FMN1: variants seen among roughly 807,000 people sequenced by gnomAD.
The protein encoded by FMN1 is formin 1, also known as formin-1.
FMN1 carries 110 observed loss-of-function variants against 132.4 expected under a neutral mutation model. The observed-to-expected ratio is 0.83, with a 90% confidence interval of 0.71 to 0.97. FMN1 has a LOEUF of 0.97. FMN1 is among the 50% of genes least tolerant of loss of function. The probability of loss-of-function intolerance (pLI) is 0.00; values close to 1 mark genes in which losing one functional copy is unlikely to be tolerated. For missense variants in FMN1, 1,792 were observed against 1,705.3 expected (o/e 1.05, Z -0.90); for synonymous variants, 722 against 651.7 (o/e 1.11, Z -1.64).
At chr15:32,876,803 G>A (rs1301425102) in intron 16 of FMN1, among the ~76,000 whole-genome samples, 1 of 152,198 alleles carries the variant, frequency 6.6e-6, no homozygotes, top group Non-Finnish European at 1.5e-5. Context: ...CTATAGGACT[G>A]CATTCGACAG....
intron 6 of FMN1, among the ~76,000 whole-genome samples, chr15:33,017,707 A>G (rs1179325101): frequency 6.6e-6 from 1 of 152,260 alleles, no homozygotes; most frequent in South Asian, 2.1e-4. Context: ...ATGGGGGGAA[A>G]CTTCTAATTC....
chr15:33,047,360 T>C (rs990699909), intron 6 of FMN1, among the ~76,000 whole-genome samples: 1 of 152,244 alleles, frequency 6.6e-6, no homozygotes, highest in Non-Finnish European at 1.5e-5. Flanking sequence ...GAGGTTACTT[T>C]TGGCAAAGTT....
intron 17 of FMN1, among the ~76,000 whole-genome samples, chr15:32,823,152 GTTTTTTTTTTTT>G (rs373185751): frequency 3.1e-4 from 27 of 86,232 alleles, no homozygotes; most frequent in Admixed American, 5.6e-4. Flanking sequence ...AGTTTCTACT[GTTTTTTTTTTTT>G]TTTTTTTTTT....
intron 16 of FMN1, among the ~76,000 whole-genome samples, chr15:32,877,515 T>C (rs1488698405): frequency 3.3e-5 from 5 of 152,148 alleles, no homozygotes; most frequent in African/African-American, 4.8e-5. Context: ...ACAGTAACCC[T>C]TCATGAACAA....
Position 33,088,795 on chromosome 15 carries a change from TTACA to T in FMN1, c.2043_2043+3del. 6.5e-7 allele frequency: 1 copy of T among 1,534,350 alleles called. No individual in the cohort carries two copies. The highest frequency in any genetic ancestry group is 8.7e-7 in the Non-Finnish European group (1 of 1,146,042). On this transcript the variant is annotated splice_donor_variant and splice_donor_region_variant and coding_sequence_variant and intron_variant, in exon 5 of 21. Transcript: ENST00000616417. LOFTEE classifies it high-confidence loss of function. ...ACAGCACAATCACCAAGATTTCTAC[TTACA>T]TGGAGATCCAAGTACAATTCGCTCC...
At chr15:33,038,340 G>A (rs1372616472) in intron 6 of FMN1, among the ~76,000 whole-genome samples, 1 of 152,208 alleles carries the variant, frequency 6.6e-6, no homozygotes, top group Non-Finnish European at 1.5e-5. Flanking sequence ...GTTTAAAAAT[G>A]GTGTGACCTA....
At chr15:33,182,393 C>T (rs959219332) in intron 2 of FMN1, among the ~76,000 whole-genome samples, 9 of 152,194 alleles carry the variant, frequency 5.9e-5, no homozygotes, top group Admixed American at 5.2e-4. Context: ...TAGGGCCATC[C>T]ATTGCTCTTA....
In FMN1 at chr15:32,955,392, T is replaced by A. The variant is rs150000936; in HGVS notation, c.3138+8715A>T. On this transcript the variant is annotated intron_variant, in intron 9 of 20. Transcript: ENST00000616417. ...AAGTTCACCTTCAAAAGCATCCATG[T>A]GACCTGGACTTGCAACCGAAGTATA... 7.9e-5 allele frequency among the ~76,000 whole-genome samples: 12 copies of A among 152,334 alleles called. No individual in the cohort carries two copies. The East Asian group carries it at 2.3e-3, about 29-fold the overall frequency.
chr15:33,091,371 C>G (rs1432890426), intron 4 of FMN1, among the ~76,000 whole-genome samples: 2 of 152,132 alleles, frequency 1.3e-5, no homozygotes, highest in African/African-American at 4.8e-5. Flanking sequence ...GTGTGCAATC[C>G]AATTCACTCT....
chr15:33,157,706 C>T (rs999132206), intron 3 of FMN1, among the ~76,000 whole-genome samples: 18 of 151,944 alleles, frequency 1.2e-4, no homozygotes, highest in African/African-American at 3.1e-4. Flanking sequence ...TTAACGCTCA[C>T]GGAGGCCAGG....
intron 16 of FMN1, among the ~76,000 whole-genome samples, chr15:32,871,747 T>A (rs958605885): frequency 1.3e-5 from 2 of 152,192 alleles, no homozygotes; most frequent in African/African-American, 4.8e-5. Context: ...TGTACCACAA[T>A]GGGAGAGATG....
At chr15:33,081,257 A>G (rs892994456) in intron 5 of FMN1, among the ~76,000 whole-genome samples, 1 of 152,214 alleles carries the variant, frequency 6.6e-6, no homozygotes, top group African/African-American at 2.4e-5. Context: ...TTTGGCAGGC[A>G]GCAAACGGTT....
At chr15:33,045,897 C>T (rs1316740123) in intron 6 of FMN1, among the ~76,000 whole-genome samples, 4 of 152,140 alleles carry the variant, frequency 2.6e-5, no homozygotes, top group African/African-American at 9.7e-5. Flanking sequence ...AACGGGATCC[C>T]TTCTGCCTGC....
At chr15:33,028,898 AAAC>A (rs1396953372) in intron 6 of FMN1, among the ~76,000 whole-genome samples, 24 of 152,368 alleles carry the variant, frequency 1.6e-4, no homozygotes, top group African/African-American at 4.1e-4. Flanking sequence ...ACGCTAGTCC[AAAC>A]AACAAGTCAT....
chr15:32,876,485 T>C (rs182407705), intron 16 of FMN1, among the ~76,000 whole-genome samples: 10 of 152,330 alleles, frequency 6.6e-5, no homozygotes, highest in Non-Finnish European at 1.0e-4. Context: ...AAATGTATCA[T>C]TGCCAGTTTC....
intron 6 of FMN1, among the ~76,000 whole-genome samples, chr15:33,031,954 T>C (rs1414277216): frequency 7.0e-6 from 1 of 143,724 alleles, no homozygotes; most frequent in African/African-American, 2.6e-5. Context: ...TTTTATGTCA[T>C]GAAACCCGAT....
At position 32,936,204 on chromosome 15, in the gene FMN1, T is replaced by C. The variant is rs192002332; in HGVS notation, c.3139-9943A>G. Among the ~76,000 whole-genome samples the C allele has an allele frequency of 2.1e-3, 319 of 152,360 alleles. 4 individuals are homozygous for C. The highest frequency in any genetic ancestry group is 5.6e-4 in the Non-Finnish European group (38 of 68,034). On this transcript the variant is annotated intron_variant, in intron 9 of 20. Transcript: ENST00000616417. ...TGAATTATTTGTCAAGTAATTCATA[T>C]ACATCTGTGTCTTTAGGATTGGTTT... is the stretch of plus-strand genomic sequence containing the variant.
At chr15:32,957,205 C>T (rs995952442) in intron 9 of FMN1, among the ~76,000 whole-genome samples, 6 of 149,756 alleles carry the variant, frequency 4.0e-5, no homozygotes, top group Non-Finnish European at 8.9e-5. Flanking sequence ...ATCATGGCAT[C>T]TCAAAAAAGG....
chr15:33,181,448 C>G (rs16966286), intron 2 of FMN1, among the ~76,000 whole-genome samples: 10,315 of 152,206 alleles, frequency 0.068, 430 homozygotes, highest in East Asian at 0.11. Context: ...ACATGACCTC[C>G]ACACACAAAA....
Sources: allele counts gnomAD v4.1 joint callset (sites outside exome capture counted in the v4.1 genomes callset), GRCh38; gene constraint gnomAD v4.1.1; transcripts MANE v1.5; gene names NCBI Gene and HGNC (gene_info 2026-07-23, HGNC 2026-07-21).